The following ARHGEF3 variants were observed in gnomAD, a reference collection of about 807,000 sequenced individuals.
ARHGEF3 encodes Rho guanine nucleotide exchange factor 3.
Under a neutral mutation model 63.2 loss-of-function variants are expected in ARHGEF3, and 28 were observed. That is an observed-to-expected ratio of 0.44 (90% CI 0.33 to 0.61). ARHGEF3 has a LOEUF of 0.61. Ranked by LOEUF, ARHGEF3 falls within the 20% of genes least tolerant of loss-of-function variation. The pLI is 0.03. For missense variants in ARHGEF3, 533 were observed against 659.3 expected (o/e 0.81, Z 2.10); for synonymous variants, 266 against 254.2 (o/e 1.05, Z -0.44).
intron 1 of ARHGEF3, among the ~76,000 whole-genome samples, chr3:56,779,345 A>C (rs1019746472): frequency 6.6e-6 from 1 of 152,256 alleles, no homozygotes; most frequent in Non-Finnish European, 1.5e-5. Context: ...ATGGAAAAAG[A>C]GGAAAACAGG....
At chr3:56,787,262 G>A (rs1200507668) in intron 1 of ARHGEF3, among the ~76,000 whole-genome samples, 2 of 152,124 alleles carry the variant, frequency 1.3e-5, no homozygotes, top group African/African-American at 2.4e-5. Context: ...GTCAAGCGAG[G>A]GGCGCCCCTG....
chr3:56,729,835 G>A (rs967574930), intron 9 of ARHGEF3, among the ~76,000 whole-genome samples: 4 of 134,796 alleles, frequency 3.0e-5, no homozygotes, highest in African/African-American at 1.1e-4. Flanking sequence ...AGCTGCCCTC[G>A]TCGCTCTCAG....
chr3:56,926,671 A>G (rs1026426476), intron 3 of ARHGEF3, among the ~76,000 whole-genome samples: 1 of 152,244 alleles, frequency 6.6e-6, no homozygotes, highest in Non-Finnish European at 1.5e-5. Flanking sequence ...TCTCACATGG[A>G]TAATTTATGG....
chr3:56,916,206 A>C (rs1007916205), intron 3 of ARHGEF3: 109 of 1,403,138 alleles, frequency 7.8e-5, no homozygotes, highest in Admixed American at 6.1e-4. Flanking sequence ...GAAGGTAAAG[A>C]GAACACTGCA....
intron 3 of ARHGEF3, among the ~76,000 whole-genome samples, chr3:56,947,913 G>T (rs370619457): frequency 2.6e-5 from 4 of 152,040 alleles, no homozygotes; most frequent in Non-Finnish European, 5.9e-5. Flanking sequence ...AAGAACAGAA[G>T]TTATAACAAA....
intron 2 of ARHGEF3, among the ~76,000 whole-genome samples, chr3:57,000,144 G>A (rs1702131271): frequency 6.6e-6 from 1 of 152,150 alleles, no homozygotes; most frequent in Non-Finnish European, 1.5e-5. Context: ...CATATGGTAA[G>A]GGCTCGATAA....
At chr3:56,775,269 C>T in intron 1 of ARHGEF3, 3 of 1,278,458 alleles carry the variant, frequency 2.3e-6, no homozygotes, top group Non-Finnish European at 3.0e-6. Flanking sequence ...AATTTGGAAT[C>T]CTGCTGAGAC....
At chr3:56,931,199 T>C (rs1041295984) in intron 3 of ARHGEF3, among the ~76,000 whole-genome samples, 2 of 152,148 alleles carry the variant, frequency 1.3e-5, no homozygotes, top group African/African-American at 4.8e-5. Context: ...AGGTTCTTCT[T>C]AAGAAAAAAC....
intron 1 of ARHGEF3, among the ~76,000 whole-genome samples, chr3:56,788,345 G>A (rs541489956): frequency 3.3e-5 from 5 of 152,234 alleles, no homozygotes; most frequent in Non-Finnish European, 7.4e-5. Flanking sequence ...CCGTATTGTC[G>A]TGTTGTTAAT....
intron 4 of ARHGEF3, among the ~76,000 whole-genome samples, chr3:56,753,152 T>C (rs148468010): frequency 6.6e-6 from 1 of 152,358 alleles, no homozygotes; most frequent in African/African-American, 2.4e-5. Flanking sequence ...TAAGACTCAG[T>C]TCAAGTTTCA....
Position 56,985,665 on chromosome 3 carries a change from G to A in ARHGEF3, c.63-26776C>T, listed in dbSNP as rs779053613. ...GGTTCTGAGAGGGGCAGCAGTGCAC[G>A]GGTCCCTGGGAACAGCATAGCTGAG... On this transcript the variant is annotated intron_variant, in intron 2 of 12. Transcript: ENST00000338458. 3.9e-5 allele frequency among the ~76,000 whole-genome samples: 6 copies of A among 152,296 alleles called. No homozygotes were observed. In the East Asian group the frequency reaches 7.7e-4, roughly 20 times the overall value.
At position 56,745,333 on chromosome 3, in the gene ARHGEF3, G is replaced by T. The variant is rs950370717; in HGVS notation, c.742C>A (p.Arg248Ser). The change falls in exon 7 of 10, where the codon CGC becomes AGC. Residue 248 changes from arginine (R) to serine (S), a missense_variant. This residue lies in a region of ARHGEF3 where 107 missense variants were observed against 207.9 expected (regional missense o/e 0.51). Transcript: ENST00000296315. ...LQRCLESPFSRKLDLWNFLDI... is the reference protein window; with the variant it reads ...LQRCLESPFSSKLDLWNFLDI... Reference sequence around the variant, plus strand: ...AGGAAATTCCAGAGATCTAGTTTGCGGCTAAAGGGGGATTCTAAACATCGC... The same window carrying T: ...AGGAAATTCCAGAGATCTAGTTTGCTGCTAAAGGGGGATTCTAAACATCGC... 6.2e-7 allele frequency: 1 copy of T among 1,613,862 alleles called. No homozygotes were observed. Among genetic ancestry groups the T allele is most frequent in the African/African-American group, 1.3e-5 (1 of 74,846 alleles).
chr3:56,838,933 C>T (rs2039214676), intron 4 of ARHGEF3, among the ~76,000 whole-genome samples: 1 of 149,136 alleles, frequency 6.7e-6, no homozygotes. Context: ...AGTTCAAGAC[C>T]AGCCTAGGCA....
chr3:56,975,627 A>C (rs1427948834), intron 2 of ARHGEF3: 1 of 221,674 alleles, frequency 4.5e-6, no homozygotes, highest in Non-Finnish European at 9.4e-6. Flanking sequence ...CCAAAATCAC[A>C]CAGCTAGTAG....
At chr3:56,993,901 A>AAATATAC (rs1190135155) in intron 2 of ARHGEF3, among the ~76,000 whole-genome samples, 2 of 150,984 alleles carry the variant, frequency 1.3e-5, no homozygotes, top group Admixed American at 1.3e-4. Context: ...CGTCTCTACT[A>AAATATAC]AATATACAAA....
intron 4 of ARHGEF3, among the ~76,000 whole-genome samples, chr3:56,850,028 C>T (rs150676441): frequency 6.6e-6 from 1 of 152,078 alleles, no homozygotes; most frequent in South Asian, 2.1e-4. Context: ...AAGTATTACC[C>T]TTCCCCCGCA....
chr3:56,878,058 A>C (rs1424457118), intron 4 of ARHGEF3, among the ~76,000 whole-genome samples: 1 of 152,084 alleles, frequency 6.6e-6, no homozygotes, highest in Non-Finnish European at 1.5e-5. Flanking sequence ...ATTCCTTTTT[A>C]TTTTTACATT....
At chr3:56,916,565 TGCAGAGCACTCTTTGGGCATTCA>T in intron 3 of ARHGEF3, 1 of 1,185,286 alleles carries the variant, frequency 8.4e-7, no homozygotes, top group Non-Finnish European at 1.1e-6. Context: ...CTGCTGCTTT[TGCAGAGCACTCTTTGGGCATTCA>T]AAGGTACACC....
intron 2 of ARHGEF3, among the ~76,000 whole-genome samples, chr3:56,982,348 G>A (rs1343885844): frequency 6.6e-6 from 1 of 151,884 alleles, no homozygotes; most frequent in East Asian, 1.9e-4. Flanking sequence ...GTTCATTAAA[G>A]AAAGCATCAA....
Sources: allele counts gnomAD v4.1 joint callset (sites outside exome capture counted in the v4.1 genomes callset), GRCh38; gene constraint gnomAD v4.1.1; regional missense constraint gnomAD v4.1.1; transcripts MANE v1.5; gene names NCBI Gene and HGNC (gene_info 2026-07-23, HGNC 2026-07-21).